Variants in FANCA observed in about 807,000 individuals in gnomAD.
FANCA encodes Fanconi anemia group A protein.
Under a neutral mutation model 194.3 loss-of-function variants are expected in FANCA, and 236 were observed. The ratio of observed to expected loss-of-function variants is 1.21; its 90% CI spans 1.09 to 1.35. The LOEUF is 1.35. Among genes scored for constraint, FANCA ranks in the 40% most tolerant of loss-of-function variants. FANCA has a pLI of 0.00. For synonymous variants in FANCA, 1,014 were observed against 715.8 expected (o/e 1.42, Z -6.65); for missense variants, 2,628 against 1,813.9 (o/e 1.45, Z -8.15).
chr16:89,742,539 G>T (rs2062159500), intron 37 of FANCA, among the ~76,000 whole-genome samples: 1 of 151,844 alleles, frequency 6.6e-6, no homozygotes, highest in Admixed American at 6.6e-5. Context: ...GCTGGGCGTG[G>T]TGGCTCACGC....
intron 10 of FANCA, among the ~76,000 whole-genome samples, chr16:89,798,196 T>G (rs1223625430): frequency 6.6e-6 from 1 of 152,104 alleles, no homozygotes; most frequent in Non-Finnish European, 1.5e-5. Flanking sequence ...GTAGGTCTCC[T>G]GCAAGCCAGG....
chr16:89,779,019 G>C lies in FANCA; in HGVS notation c.1716-16C>G. The C allele has an allele frequency of 2.5e-6, 4 of 1,612,256 alleles. No individual in the cohort carries two copies. Among genetic ancestry groups the C allele is most frequent in the Non-Finnish European group, 2.5e-6 (3 of 1,179,584 alleles). ...CCTGAATATGCTGCAACACAGAGAA[G>C]CAGACAGTGCATCAGTCAGAGCAGC... On this transcript the variant is annotated splice_polypyrimidine_tract_variant and intron_variant, in intron 18 of 42. Transcript: ENST00000389301.
chr16:89,808,382 AAAAC>A lies in FANCA; in HGVS notation c.523-19_523-16del, dbSNP rs748945841. The A allele has an allele frequency of 8.1e-6, 13 of 1,613,462 alleles. No individual in the cohort carries two copies. Among genetic ancestry groups the A allele is most frequent in the South Asian group, 5.5e-5 (5 of 91,028 alleles). On this transcript the variant is annotated splice_polypyrimidine_tract_variant and intron_variant, in intron 5 of 42. Transcript: ENST00000389301. ...AACAAAGAACTCTGAAAAACAAAAC[AAAAC>A]AAACAAAAACAAAAACAAAAAAACC... is the stretch of plus-strand genomic sequence containing the variant.
rs1444437000 is a variant in FANCA at position 89,737,971 on chromosome 16, C to G, written c.*630G>C. The stretch of plus-strand genomic sequence containing the variant: ...CGCACCTTCTTATCTGCCTCTGTCC[C>G]CCAGGTGTGAGGTCTGTGGGTTCCA... On this transcript the variant is annotated 3_prime_UTR_variant, in exon 43 of 43. Coordinates refer to ENST00000389301, the MANE Select transcript of FANCA (RefSeq NM_000135.4). 7.4e-6 allele frequency: 12 copies of G among 1,614,034 alleles called. No homozygotes were observed. Among genetic ancestry groups the G allele is most frequent in the Non-Finnish European group, 9.3e-6 (11 of 1,180,018 alleles).
intron 14 of FANCA, chr16:89,791,038 T>G (rs1214043493): frequency 3.2e-5 from 6 of 189,624 alleles, no homozygotes; most frequent in East Asian, 2.5e-4. Flanking sequence ...TTTTTTTTTT[T>G]TTTTTTTTTT....
At chr16:89,765,782 C>A (rs1163329485) in intron 27 of FANCA, among the ~76,000 whole-genome samples, 1 of 152,348 alleles carries the variant, frequency 6.6e-6, no homozygotes, top group East Asian at 1.9e-4. Flanking sequence ...CCACGCTGCC[C>A]TCTCCTAAGC....
chr16:89,811,138 G>A, intron 3 of FANCA, 67 bp from the exon 4 acceptor site: 1 of 1,605,274 alleles, frequency 6.2e-7, no homozygotes, highest in Non-Finnish European at 8.5e-7. Context: ...CCAAAGACTT[G>A]CTGTTTAAAA....
At chr16:89,804,915 C>T (rs886560341) in intron 7 of FANCA, among the ~76,000 whole-genome samples, 1 of 152,068 alleles carries the variant, frequency 6.6e-6, no homozygotes, top group Non-Finnish European at 1.5e-5. Context: ...CACGTGCCTG[C>T]AGTCCCAGCT....
intron 26 of FANCA, among the ~76,000 whole-genome samples, chr16:89,769,527 G>A (rs1261618770): frequency 6.6e-6 from 1 of 152,136 alleles, no homozygotes; most frequent in Non-Finnish European, 1.5e-5. Flanking sequence ...CCAGACAAGG[G>A]ACCAAGACAA....
At position 89,738,021 on chromosome 16, in the gene FANCA, G is replaced by C; in HGVS notation, c.*580C>G. Reference sequence around the variant, plus strand: ...AGTGCAGGCAGCGGGCATCCCTCAAGTACCACATGACCAAACACAAGGCTG... The same window carrying C: ...AGTGCAGGCAGCGGGCATCCCTCAACTACCACATGACCAAACACAAGGCTG... On this transcript the variant is annotated 3_prime_UTR_variant, in exon 43 of 43. Coordinates refer to ENST00000389301, the MANE Select transcript of FANCA (RefSeq NM_000135.4). The C allele has an allele frequency of 6.2e-7, 1 of 1,614,130 alleles. No individual in the cohort carries two copies. The highest frequency in any genetic ancestry group is 8.5e-7 in the Non-Finnish European group (1 of 1,180,034).
At chr16:89,748,961 C>T (rs376308542) in intron 32 of FANCA, among the ~76,000 whole-genome samples, 194 bp from the exon 33 acceptor site, 6 of 152,092 alleles carry the variant, frequency 3.9e-5, no homozygotes, top group African/African-American at 1.4e-4. Context: ...TGTGTTTGGC[C>T]CACTGCATTC....
At chr16:89,744,597 GAGCT>G in intron 36 of FANCA, 2 of 355,084 alleles carry the variant, frequency 5.6e-6, no homozygotes, top group Admixed American at 3.9e-5. Context: ...GGAATCACTC[GAGCT>G]CCTCACTCAG....
intron 1 of FANCA, 47 bp from the exon 2 acceptor site, chr16:89,816,033 C>T (rs765767541): frequency 6.9e-7 from 1 of 1,449,490 alleles, no homozygotes; most frequent in South Asian, 1.1e-5. Context: ...AATTCACACA[C>T]GGGGTCCCCG....
At chr16:89,771,961 G>C in intron 22 of FANCA, 147 bp from the exon 23 acceptor site, 11 of 965,234 alleles carry the variant, frequency 1.1e-5, no homozygotes, top group Non-Finnish European at 1.8e-5. Flanking sequence ...GAACACCAGT[G>C]TTTGTTCGCC....
rs188826007 is a variant in FANCA, at chr16:89,746,476, T to A, written c.3513+108A>T. On this transcript the variant is annotated intron_variant, in intron 35 of 42. Coordinates refer to ENST00000389301, the MANE Select transcript of FANCA (RefSeq NM_000135.4). The stretch of plus-strand genomic sequence containing the variant: ...TCCATGTCTCCTGATGCATTTTCCC[T>A]GAGATGGTAACACCCGTGATGGAGA... 5.6e-6 allele frequency: 5 copies of A among 894,998 alleles called. No individual in the cohort carries two copies. The East Asian group carries it at 1.2e-4, about 22-fold the overall frequency. 55.4% of individuals were successfully genotyped at this position (894,998 alleles called of 1,614,324 possible).
At position 89,779,919 on chromosome 16, in the gene FANCA, G is replaced by T. The variant is rs757932868; in HGVS notation, c.1665C>A (p.Ile555=). The T allele has an allele frequency of 1.9e-6, 3 of 1,614,156 alleles. No individual in the cohort carries two copies. The highest frequency in any genetic ancestry group is 1.1e-5 in the South Asian group (1 of 91,078). The stretch of plus-strand genomic sequence containing the variant: ...TGTTCCCCGTATGCTCAAACACCAT[G>T]ATGGCCTTTTCAACATCCTGAAGAG... ...SQALQDVEKA[I]MVFEHTGNIP... The change falls in exon 18 of 43, where the codon ATC becomes ATA. Residue 555 remains isoleucine (I), a synonymous_variant. Coordinates refer to ENST00000389301, the MANE Select transcript of FANCA (RefSeq NM_000135.4).
intron 11 of FANCA, among the ~76,000 whole-genome samples, chr16:89,794,177 GTTAC>G (rs2040167852): frequency 6.6e-6 from 1 of 152,120 alleles, no homozygotes; most frequent in South Asian, 2.1e-4. Context: ...CTCAGGCCCG[GTTAC>G]TTACTTGTAA....
chr16:89,761,114 A>G (rs545492862), intron 29 of FANCA, among the ~76,000 whole-genome samples: 42 of 152,332 alleles, frequency 2.8e-4, no homozygotes, highest in Admixed American at 5.9e-4. Flanking sequence ...AAATAAAGGA[A>G]TAACAACCGA....
chr16:89,778,653 AAAAAG>A, intron 20 of FANCA, 143 bp downstream of exon 20: 1 of 682,934 alleles, frequency 1.5e-6, no homozygotes, highest in Non-Finnish European at 2.4e-6. Context: ...AAAAAAAAAA[AAAAAG>A]TAACCAACCA....
Sources: gnomAD v4.1 joint callset for allele counts (sites outside exome capture counted in the v4.1 genomes callset) on GRCh38, gnomAD v4.1.1 for gene constraint, MANE v1.5 for transcripts, NCBI Gene and HGNC (gene_info 2026-07-23, HGNC 2026-07-21) for gene names.